Variants in NEGR1 observed in about 807,000 individuals in gnomAD.
NEGR1 encodes the protein IgLON family member 4.
In NEGR1, 10 loss-of-function variants were observed where a neutral mutation model predicts 40.9. That is an observed-to-expected ratio of 0.24 (90% CI 0.15 to 0.42). The LOEUF (loss-of-function observed/expected upper bound fraction) is 0.42. Among genes scored for constraint, NEGR1 ranks in the 10% least tolerant of loss-of-function variants. NEGR1 has a pLI of 1.00. For synonymous variants in NEGR1, 185 were observed against 166.8 expected (o/e 1.11, Z -0.84); for missense variants, 352 against 438.9 (o/e 0.80, Z 1.77).
chr1:72,276,124 A>C (rs187717449), intron 1 of NEGR1, among the ~76,000 whole-genome samples: 1 of 152,112 alleles, frequency 6.6e-6, no homozygotes, highest in East Asian at 1.9e-4. Flanking sequence ...GAAAAGTGTA[A>C]GTCATGTGAT....
intron 1 of NEGR1, among the ~76,000 whole-genome samples, chr1:72,016,596 T>C (rs1646712179): frequency 6.6e-6 from 1 of 152,198 alleles, no homozygotes; most frequent in Non-Finnish European, 1.5e-5. Flanking sequence ...TGAAGGTGTT[T>C]GACCCTTAAA....
intron 1 of NEGR1, among the ~76,000 whole-genome samples, chr1:72,048,409 C>A (rs536060656): frequency 6.6e-6 from 1 of 151,528 alleles, no homozygotes; most frequent in African/African-American, 2.4e-5. Context: ...CGTATCCCTT[C>A]TTGCTTGCCC....
chr1:72,238,082 G>A (rs1328665623), intron 1 of NEGR1, among the ~76,000 whole-genome samples: 1 of 151,632 alleles, frequency 6.6e-6, no homozygotes. Context: ...CTGATAATCT[G>A]TAATTGATTA....
intron 4 of NEGR1, among the ~76,000 whole-genome samples, chr1:71,642,985 T>A (rs1037508919): frequency 1.3e-5 from 2 of 151,874 alleles, no homozygotes; most frequent in Non-Finnish European, 2.9e-5. Flanking sequence ...TAAAGAAAGT[T>A]CATAATAAAG....
At chr1:72,077,522 G>C (rs1187794830) in intron 1 of NEGR1, among the ~76,000 whole-genome samples, 3 of 152,098 alleles carry the variant, frequency 2.0e-5, no homozygotes, top group Admixed American at 2.0e-4. Context: ...GGGTGCAGTA[G>C]TTCATGCCTG....
chr1:71,460,260 A>G (rs1381450412), intron 6 of NEGR1, among the ~76,000 whole-genome samples: 1 of 152,204 alleles, frequency 6.6e-6, no homozygotes, highest in Non-Finnish European at 1.5e-5. Context: ...CGGTCCAAGT[A>G]CAAGCTCTGC....
At chr1:72,004,866 T>C (rs1646592432) in intron 1 of NEGR1, among the ~76,000 whole-genome samples, 1 of 152,130 alleles carries the variant, frequency 6.6e-6, no homozygotes, top group South Asian at 2.1e-4. Flanking sequence ...GTTTGAAAAG[T>C]AAGAAGCAAA....
intron 1 of NEGR1, among the ~76,000 whole-genome samples, chr1:71,951,535 C>T (rs549835182): frequency 1.5e-4 from 23 of 152,004 alleles, no homozygotes; most frequent in African/African-American, 5.1e-4. Flanking sequence ...CCTTTCAATT[C>T]CTCCAACAAT....
chr1:72,256,233 C>A (rs1160199691), intron 1 of NEGR1, among the ~76,000 whole-genome samples: 1 of 152,156 alleles, frequency 6.6e-6, no homozygotes, highest in African/African-American at 2.4e-5. Flanking sequence ...AGAGAGTTCA[C>A]CAGATGATAA....
intron 6 of NEGR1, among the ~76,000 whole-genome samples, chr1:71,533,915 C>T (rs1647434877): frequency 6.6e-6 from 1 of 151,602 alleles, no homozygotes; most frequent in African/African-American, 2.4e-5. Context: ...GCCTGAGATC[C>T]TTAATTCAGC....
chr1:72,184,725 A>G (rs779950992), intron 1 of NEGR1, among the ~76,000 whole-genome samples: 3 of 152,018 alleles, frequency 2.0e-5, no homozygotes, highest in Non-Finnish European at 2.9e-5. Context: ...CCATCCGGTC[A>G]TAGTACTACC....
rs74718021 is a variant in NEGR1, at chr1:72,014,156, G to A, written c.177-78845C>T. 7.7e-3 allele frequency among the ~76,000 whole-genome samples: 1,166 copies of A among 151,572 alleles called. 14 individuals carry two copies. Among genetic ancestry groups the A allele is most frequent in the African/African-American group, 0.027 (1,097 of 41,368 alleles). On this transcript the variant is annotated intron_variant, in intron 1 of 6. Coordinates refer to ENST00000357731, the MANE Select transcript of NEGR1 (RefSeq NM_173808.3). Reference sequence around the variant, plus strand: ...AATTCTTTATCATATAAGTTCTCACGTTTTAAAGTTATACTTATTAACATT... The same window carrying A: ...AATTCTTTATCATATAAGTTCTCACATTTTAAAGTTATACTTATTAACATT...
chr1:71,572,578 T>G (rs911958932), intron 6 of NEGR1, among the ~76,000 whole-genome samples: 3 of 152,216 alleles, frequency 2.0e-5, no homozygotes, highest in African/African-American at 7.2e-5. Context: ...TAAGCATTGA[T>G]TTCCAGCATA....
intron 4 of NEGR1, among the ~76,000 whole-genome samples, chr1:71,614,924 T>A (rs556330986): frequency 6.6e-5 from 10 of 152,224 alleles, no homozygotes; most frequent in Admixed American, 5.2e-4. Flanking sequence ...GCTGCTATGA[T>A]GGACACCGAA....
At chr1:71,904,217 T>C (rs1303811477) in intron 2 of NEGR1, among the ~76,000 whole-genome samples, 1 of 152,032 alleles carries the variant, frequency 6.6e-6, no homozygotes, top group East Asian at 1.9e-4. Flanking sequence ...GGATATTTAG[T>C]AATAACTGGA....
chr1:71,491,384 G>A (rs1475550412), intron 6 of NEGR1, among the ~76,000 whole-genome samples: 1 of 151,960 alleles, frequency 6.6e-6, no homozygotes, highest in Non-Finnish European at 1.5e-5. Context: ...TGTACTGAAT[G>A]CAAGGAGGTT....
At chr1:71,571,961 GA>G (rs1263268098) in intron 6 of NEGR1, among the ~76,000 whole-genome samples, 1 of 152,086 alleles carries the variant, frequency 6.6e-6, no homozygotes, top group African/African-American at 2.4e-5. Context: ...GTATAAGACT[GA>G]AACTGGGCAG....
At chr1:72,189,167 T>A (rs1214585299) in intron 1 of NEGR1, among the ~76,000 whole-genome samples, 1 of 151,494 alleles carries the variant, frequency 6.6e-6, no homozygotes, top group Non-Finnish European at 1.5e-5. Flanking sequence ...AAATCTCTTA[T>A]TTTATTTTCC....
intron 1 of NEGR1, among the ~76,000 whole-genome samples, chr1:71,940,123 A>G (rs1645945607): frequency 6.6e-6 from 1 of 152,190 alleles, no homozygotes; most frequent in African/African-American, 2.4e-5. Context: ...AGCATGAAGT[A>G]ACAGTTCTCT....
Sources: gnomAD v4.1 joint callset for allele counts (sites outside exome capture counted in the v4.1 genomes callset) on GRCh38, gnomAD v4.1.1 for gene constraint, MANE v1.5 for transcripts, NCBI Gene and HGNC (gene_info 2026-07-23, HGNC 2026-07-21) for gene names.